GTF2E1: variants seen among roughly 807,000 people sequenced by gnomAD.
GTF2E1 encodes the protein general transcription factor IIE subunit 1, also known as TFIIE alpha subunit.
GTF2E1 carries 14 observed loss-of-function variants against 34.9 expected under a neutral mutation model. The observed-to-expected ratio is 0.40, with a 90% CI of 0.27 to 0.63. The LOEUF is 0.63. Ranked by LOEUF, GTF2E1 falls within the 20% of genes least tolerant of loss-of-function variation. GTF2E1 has a pLI of 0.39. For synonymous variants in GTF2E1, 188 were observed against 192.9 expected (o/e 0.97, Z 0.21); for missense variants, 469 against 557.7 (o/e 0.84, Z 1.60).
intron 4 of GTF2E1, 104 bp downstream of exon 4, chr3:120,776,768 C>CA: frequency 3.2e-6 from 3 of 942,338 alleles, no homozygotes; most frequent in Non-Finnish European, 4.8e-6. Context: ...TTCTACAGAA[C>CA]AATTAATTGC....
At chr3:120,751,657 T>G (rs1433264387) in intron 2 of GTF2E1, among the ~76,000 whole-genome samples, 1 of 152,218 alleles carries the variant, frequency 6.6e-6, no homozygotes, top group Non-Finnish European at 1.5e-5. Context: ...ATACAATATG[T>G]CTAGCATAAA....
chr3:120,745,798 G>A (rs1256040859), intron 1 of GTF2E1, among the ~76,000 whole-genome samples: 1 of 152,180 alleles, frequency 6.6e-6, no homozygotes. Flanking sequence ...CGGGGTTCAA[G>A]TACAATGTAT....
chr3:120,753,019 T>G (rs1223768944), intron 2 of GTF2E1, among the ~76,000 whole-genome samples: 1 of 152,196 alleles, frequency 6.6e-6, no homozygotes, highest in East Asian at 1.9e-4. Context: ...CTTTTTATTG[T>G]AACGTGGCTT....
In GTF2E1 at chr3:120,770,878, C is replaced by G. The variant is rs760649397; in HGVS notation, c.599C>G (p.Ala200Gly). 1 of 1,613,498 alleles carries G rather than the reference C, an allele frequency of 6.2e-7. No homozygotes were observed. The highest frequency in any genetic ancestry group is 8.5e-7 in the Non-Finnish European group (1 of 1,179,564). Residue 200 changes from alanine to glycine, a missense_variant, in exon 3 of 5, where the codon GCC (alanine) becomes GGC (glycine). By Grantham distance (60) the Ala-to-Gly change is moderately conservative. Coordinates refer to ENST00000283875, the MANE Select transcript of GTF2E1 (RefSeq NM_005513.3). ...LLRETEDVNL[A>G]YEILEPEPTE... Reference sequence around the variant, plus strand: ...CGGGAGACAGAGGATGTGAACTTGGCCTATGAAATACTTGAGCCAGAACCC... The same window carrying G: ...CGGGAGACAGAGGATGTGAACTTGGGCTATGAAATACTTGAGCCAGAACCC...
At chr3:120,751,786 T>C (rs1397282464) in intron 2 of GTF2E1, among the ~76,000 whole-genome samples, 1 of 152,140 alleles carries the variant, frequency 6.6e-6, no homozygotes, top group Non-Finnish European at 1.5e-5. Context: ...TTTCTACAGG[T>C]AAAAATCTAT....
chr3:120,750,606 C>T lies in GTF2E1; in HGVS notation c.54C>T (p.Ala18=), dbSNP rs757356626. 6.2e-7 allele frequency: 1 copy of T among 1,613,776 alleles called. No homozygotes were observed. Among genetic ancestry groups the T allele is most frequent in the African/African-American group, 1.3e-5 (1 of 74,868 alleles). The change falls in exon 2 of 5, where the codon GCC becomes GCT. Residue 18 remains alanine (A), a synonymous_variant. Coordinates refer to ENST00000283875, the MANE Select transcript of GTF2E1 (RefSeq NM_005513.3). ...TEVPAALKRL[A]KYVIRGFYGI... is the part of the protein sequence containing the mutation. ...TTCCAGCAGCATTGAAGCGGTTAGC[C>T]AAGTATGTGATCCGGGGATTTTATG...
Position 120,750,730 on chromosome 3 carries a change from C to A in GTF2E1, c.178C>A (p.Arg60=), listed in dbSNP as rs139408677. The change falls in exon 2 of 5, where the codon CGA becomes AGA. Residue 60 remains arginine, a synonymous_variant. Transcript: ENST00000283875. ...GCTCAAGTTTGATCGGAAGCAACTT[C>A]GATCAGTTTTGAATAATTTAAAGGG... ...ELLKFDRKQL[R]SVLNNLKGDK... 162 of 1,613,938 alleles carry A rather than the reference C, an allele frequency of 1.0e-4. 1 individual carries two copies. The African/African-American group carries it at 1.8e-3, about 18-fold the overall frequency.
chr3:120,759,824 C>T (rs1487150846), intron 2 of GTF2E1, among the ~76,000 whole-genome samples: 1 of 152,130 alleles, frequency 6.6e-6, no homozygotes, highest in Admixed American at 6.5e-5. Flanking sequence ...CAGTAACGTG[C>T]TGTTTTGGTT....
At chr3:120,751,164 G>A (rs756136318) in intron 2 of GTF2E1, 164 bp downstream of exon 2, 8 of 556,256 alleles carry the variant, frequency 1.4e-5, no homozygotes, top group African/African-American at 5.6e-5. Context: ...TTTGGCTGTC[G>A]CACTACTTTG....
intron 2 of GTF2E1, among the ~76,000 whole-genome samples, chr3:120,754,319 A>G (rs1457169215): frequency 2.0e-5 from 3 of 152,150 alleles, no homozygotes; most frequent in Non-Finnish European, 2.9e-5. Flanking sequence ...GAAAAAAATC[A>G]CCCACAAAGC....
rs1458505317 is a variant in GTF2E1, at chr3:120,750,509, T to TG, written c.-30-14_-30-13insG. On this transcript the variant is annotated splice_polypyrimidine_tract_variant and intron_variant, in intron 1 of 4. Transcript: ENST00000283875. Reference sequence around the variant, plus strand: ...CTTATACCTGGCTAATTTTCTGTTTTTTTTTGAATTCAGTATATTTAAAGT... The same window carrying TG: ...CTTATACCTGGCTAATTTTCTGTTTTGTTTTTGAATTCAGTATATTTAAAGT... The TG allele has an allele frequency of 2.7e-6, 4 of 1,498,312 alleles. No individual in the cohort carries two copies. The African/African-American group carries it at 4.2e-5, about 16-fold the overall frequency. The allele number at this position is 1,498,312 out of a possible 1,614,324, so 92.8% of individuals were successfully genotyped here.
intron 1 of GTF2E1, among the ~76,000 whole-genome samples, chr3:120,744,709 T>C (rs1316248520): frequency 1.3e-5 from 2 of 152,190 alleles, no homozygotes; most frequent in African/African-American, 2.4e-5. Context: ...GCCTTCTTAG[T>C]TTAGATTTTA....
intron 1 of GTF2E1, among the ~76,000 whole-genome samples, chr3:120,747,319 C>T (rs943263045): frequency 5.9e-5 from 9 of 151,646 alleles, no homozygotes; most frequent in African/African-American, 1.7e-4. Context: ...CATATGTATA[C>T]ATGTGCCATG....
chr3:120,768,772 A>G (rs1709328828), intron 2 of GTF2E1, among the ~76,000 whole-genome samples: 1 of 152,230 alleles, frequency 6.6e-6, no homozygotes, highest in Non-Finnish European at 1.5e-5. Context: ...GAAGAGGCTG[A>G]GACAGCTTGG....
chr3:120,755,724 TCTAA>T (rs890279470), intron 2 of GTF2E1, among the ~76,000 whole-genome samples: 13 of 152,300 alleles, frequency 8.5e-5, no homozygotes, highest in East Asian at 5.8e-4. Context: ...ATTCATTCTT[TCTAA>T]CTATTTTTTT....
At chr3:120,778,465 C>T (rs896780506) in intron 4 of GTF2E1, among the ~76,000 whole-genome samples, 3 of 152,118 alleles carry the variant, frequency 2.0e-5, no homozygotes, top group African/African-American at 4.8e-5. Context: ...ACAATTGTAT[C>T]GACTTCAATC....
intron 1 of GTF2E1, among the ~76,000 whole-genome samples, chr3:120,749,378 T>C (rs1709142224): frequency 6.6e-6 from 1 of 152,188 alleles, no homozygotes; most frequent in African/African-American, 2.4e-5. Flanking sequence ...CAGTATGATA[T>C]TGGCTGTGGG....
intron 1 of GTF2E1, among the ~76,000 whole-genome samples, chr3:120,750,158 C>T (rs892060635): frequency 6.6e-6 from 1 of 152,152 alleles, no homozygotes; most frequent in Non-Finnish European, 1.5e-5. Context: ...TTAGGAAATG[C>T]GAACTGCTAG....
chr3:120,776,588 A>G lies in GTF2E1; in HGVS notation c.816A>G (p.Lys272=), dbSNP rs746723299. ...EDLHRASLEG[K]SAKERPIWLR... is the part of the protein sequence containing the mutation. ...TTCATCGAGCCTCACTGGAAGGGAA[A>G]TCTGCCAAAGAGAGGCCTATTTGGT... Residue 272 remains lysine (K), a synonymous_variant, in exon 4 of 5, where the codon AAA becomes AAG. Transcript: ENST00000283875. The G allele has an allele frequency of 2.5e-6, 4 of 1,613,642 alleles. No homozygotes were observed. Among genetic ancestry groups the G allele is most frequent in the Non-Finnish European group, 3.4e-6 (4 of 1,179,714 alleles).
Sources: allele counts gnomAD v4.1 joint callset (sites outside exome capture counted in the v4.1 genomes callset), GRCh38; gene constraint gnomAD v4.1.1; transcripts MANE v1.5; gene names NCBI Gene and HGNC (gene_info 2026-07-23, HGNC 2026-07-21).